The following CPEB4 variants were observed in gnomAD, a reference collection of about 807,000 sequenced individuals.
The protein encoded by CPEB4 is cytoplasmic polyadenylation element binding protein 4.
In CPEB4, 12 loss-of-function variants were observed where a neutral mutation model predicts 72.5. The observed-to-expected ratio is 0.17, with a 90% CI of 0.11 to 0.27. The LOEUF is 0.27. CPEB4 is among the 10% of genes least tolerant of loss of function. The pLI, the probability that CPEB4 is intolerant of heterozygous loss-of-function variation, is 1.00. For missense variants in CPEB4, 614 were observed against 908.5 expected (o/e 0.68, Z 4.17); for synonymous variants, 302 against 326.3 (o/e 0.93, Z 0.80).
chr5:173,953,194 G>C lies in CPEB4; in HGVS notation c.1884G>C (p.Ala628=), dbSNP rs146213887. The C allele has an allele frequency of 1.9e-6, 3 of 1,613,802 alleles. No homozygotes were observed. The highest frequency in any genetic ancestry group is 1.7e-6 in the Non-Finnish European group (2 of 1,179,816). Reference sequence around the variant, plus strand: ...ACCCAAAAGGAGCTGGGAGAGTTGCGTTCTCTAATCAACAGAGTTACATAG... The same window carrying C: ...ACCCAAAAGGAGCTGGGAGAGTTGCCTTCTCTAATCAACAGAGTTACATAG... ...LKYPKGAGRV[A]FSNQQSYIAA... The change falls in exon 9 of 10, where the codon GCG becomes GCC. Residue 628 remains alanine (A), a synonymous_variant. Coordinates refer to ENST00000265085, the MANE Select transcript of CPEB4 (RefSeq NM_030627.4).
chr5:173,928,478 T>C (rs1049325795), intron 2 of CPEB4, among the ~76,000 whole-genome samples: 4 of 152,226 alleles, frequency 2.6e-5, no homozygotes, highest in East Asian at 3.8e-4. Context: ...AAATGACGTT[T>C]ATATATTTAT....
Position 173,958,292 on chromosome 5 carries a change from G to GT in CPEB4, c.*2160dup, listed in dbSNP as rs1758441445. On this transcript the variant is annotated 3_prime_UTR_variant, in exon 10 of 10. Coordinates refer to ENST00000265085, the MANE Select transcript of CPEB4 (RefSeq NM_030627.4). ...GTTATGCACTACTTTTGTATATCTT[G>GT]TTTTTCCAACAGTGAACATTTTTAG... 1 of 152,650 alleles carries GT rather than the reference G, an allele frequency of 6.6e-6. No individual in the cohort carries two copies. The highest frequency in any genetic ancestry group is 1.5e-5 in the Non-Finnish European group (1 of 68,006). The allele number at this position is 152,650 out of a possible 1,614,324, so 9.5% of individuals were successfully genotyped here.
chr5:173,898,760 A>G (rs965940126), intron 1 of CPEB4, among the ~76,000 whole-genome samples: 1 of 152,132 alleles, frequency 6.6e-6, no homozygotes, highest in African/African-American at 2.4e-5. Flanking sequence ...CACAGCAACC[A>G]CCACCTCCTG....
chr5:173,940,100 CAAAAAT>C (rs1431339608), intron 3 of CPEB4, among the ~76,000 whole-genome samples: 3 of 151,822 alleles, frequency 2.0e-5, no homozygotes, highest in Non-Finnish European at 2.9e-5. Flanking sequence ...AATCCATCTC[CAAAAAT>C]AAAAATAAAA....
chr5:173,924,115 T>G (rs182898013), intron 2 of CPEB4, among the ~76,000 whole-genome samples: 2 of 152,326 alleles, frequency 1.3e-5, no homozygotes, highest in Non-Finnish European at 2.9e-5. Context: ...ACATATTCCA[T>G]TGACCTCTCC....
chr5:173,956,051 C>T lies in CPEB4; in HGVS notation c.2104C>T (p.His702Tyr). 1 of 1,614,154 alleles carries T rather than the reference C, an allele frequency of 6.2e-7. No individual in the cohort carries two copies. The highest frequency in any genetic ancestry group is 8.5e-7 in the Non-Finnish European group (1 of 1,180,016). ...YYCEYCWAAIHSRAGREFHKP... is the reference protein window; with the variant it reads ...YYCEYCWAAIYSRAGREFHKP... ...CTGTGAATATTGCTGGGCTGCTATC[C>T]ATTCTCGTGCTGGCAGGGAATTCCA... The change falls in exon 10 of 10, where the codon CAT (histidine) becomes TAT (tyrosine). Residue 702 changes from histidine to tyrosine, a missense_variant. Transcript: ENST00000265085.
chr5:173,956,603 C>CTTTTTTTTTTT lies in CPEB4; in HGVS notation c.*472_*482dup, dbSNP rs55771761. 7.5e-6 allele frequency: 1 copy of CTTTTTTTTTTT among 133,068 alleles called. No individual in the cohort carries two copies. The allele number at this position is 133,068 out of a possible 1,614,324, so 8.2% of individuals were successfully genotyped here. On this transcript the variant is annotated 3_prime_UTR_variant, in exon 10 of 10. Coordinates refer to ENST00000265085, the MANE Select transcript of CPEB4 (RefSeq NM_030627.4). ...GGGAAGTGCTTTTGCCTTTTCCTTT[C>CTTTTTTTTTTT]TTTTTTTTTTTTTTTTCATCTTTTT...
At chr5:173,922,580 T>C (rs762618192) in intron 2 of CPEB4, among the ~76,000 whole-genome samples, 7 of 152,216 alleles carry the variant, frequency 4.6e-5, no homozygotes, top group Non-Finnish European at 8.8e-5. Flanking sequence ...TAAAAATCTG[T>C]ATTTTATCAT....
At chr5:173,910,374 T>C (rs1756608559) in intron 1 of CPEB4, 149 bp from the exon 2 acceptor site, 2 of 583,912 alleles carry the variant, frequency 3.4e-6, no homozygotes, top group Non-Finnish European at 6.2e-6. Flanking sequence ...TGATGTTTGG[T>C]GTTAATAATA....
intron 1 of CPEB4, among the ~76,000 whole-genome samples, chr5:173,899,985 G>T (rs1011492026): frequency 6.6e-6 from 1 of 152,106 alleles, no homozygotes; most frequent in African/African-American, 2.4e-5. Context: ...CTGTGGATGG[G>T]GGTCGGGGGG....
In CPEB4 at chr5:173,958,030, A is replaced by G. The variant is rs1326931445; in HGVS notation, c.*1893A>G. 6.5e-6 allele frequency: 1 copy of G among 152,730 alleles called. No homozygotes were observed. Among genetic ancestry groups the G allele is most frequent in the African/African-American group, 2.4e-5 (1 of 41,434 alleles). 9.5% of individuals were successfully genotyped at this position (152,730 alleles called of 1,614,324 possible). The stretch of plus-strand genomic sequence containing the variant: ...TTTTTTTTCTTTTCTCCTGAACTAC[A>G]TGATTCTAATTGGAATGTTCATTTG... On this transcript the variant is annotated 3_prime_UTR_variant, in exon 10 of 10. Transcript: ENST00000265085.
chr5:173,934,545 G>A (rs182737307), intron 3 of CPEB4, among the ~76,000 whole-genome samples: 280 of 152,260 alleles, frequency 1.8e-3, no homozygotes, highest in African/African-American at 6.4e-3. Flanking sequence ...TACAGTTGCC[G>A]TGGTCTCAGG....
intron 2 of CPEB4, among the ~76,000 whole-genome samples, chr5:173,921,208 G>C (rs1265836754): frequency 6.6e-6 from 1 of 151,918 alleles, no homozygotes; most frequent in Non-Finnish European, 1.5e-5. Context: ...TTTTTGTTCT[G>C]TTTTACTTAG....
chr5:173,942,427 C>T lies in CPEB4; in HGVS notation c.1259-599C>T, dbSNP rs1411150790. Among the ~76,000 whole-genome samples, 5 of 152,218 alleles carry T rather than the reference C, an allele frequency of 3.3e-5. No homozygotes were observed. In the South Asian group the frequency reaches 8.3e-4, roughly 25 times the overall value. On this transcript the variant is annotated intron_variant, in intron 3 of 9. Coordinates refer to ENST00000265085, the MANE Select transcript of CPEB4 (RefSeq NM_030627.4). ...TACTTTGCCCCTTGGCTACAACCTA[C>T]TTGGCAATAAAAATACCAAGCCTTT...
chr5:173,952,224 TGAA>T (rs932704956), intron 8 of CPEB4, among the ~76,000 whole-genome samples: 3 of 152,198 alleles, frequency 2.0e-5, no homozygotes, highest in Non-Finnish European at 4.4e-5. Flanking sequence ...TTTTGAGGGT[TGAA>T]TTAGACGACC....
rs1178774204 is a variant in CPEB4, at chr5:173,953,131, G to A, written c.1821G>A (p.Val607=). ...TAATGGATCGGCTATATGGAGGTGTGTGCTACGCTGGGATTGATACCGACC... is the reference window on the plus strand; with the variant it reads ...TAATGGATCGGCTATATGGAGGTGTATGCTACGCTGGGATTGATACCGACC... ...AMIMDRLYGG[V]CYAGIDTDPE... Residue 607 remains valine, a synonymous_variant, in exon 9 of 10, where the codon GTG becomes GTA. Coordinates refer to ENST00000265085, the MANE Select transcript of CPEB4 (RefSeq NM_030627.4). 1.2e-6 allele frequency: 2 copies of A among 1,613,714 alleles called. No homozygotes were observed. The highest frequency in any genetic ancestry group is 8.5e-7 in the Non-Finnish European group (1 of 1,179,748).
intron 1 of CPEB4, among the ~76,000 whole-genome samples, chr5:173,899,138 T>G (rs1756132126): frequency 6.6e-6 from 1 of 152,162 alleles, no homozygotes; most frequent in Non-Finnish European, 1.5e-5. Flanking sequence ...TCTTCTTAAA[T>G]TTTTATTATG....
intron 2 of CPEB4, among the ~76,000 whole-genome samples, chr5:173,929,127 TCTTAG>T (rs1387552916): frequency 2.6e-5 from 4 of 152,150 alleles, no homozygotes; most frequent in Non-Finnish European, 5.9e-5. Context: ...TCGCATTGTG[TCTTAG>T]CTGGAGGGTA....
At chr5:173,920,053 C>G (rs1757017615) in intron 2 of CPEB4, among the ~76,000 whole-genome samples, 1 of 152,216 alleles carries the variant, frequency 6.6e-6, no homozygotes. Flanking sequence ...CACTACTTTT[C>G]AAATCAGACA....
Sources: allele counts gnomAD v4.1 joint callset (sites outside exome capture counted in the v4.1 genomes callset), GRCh38; gene constraint gnomAD v4.1.1; transcripts MANE v1.5; gene names NCBI Gene and HGNC (gene_info 2026-07-23, HGNC 2026-07-21).